The following CLIC5 variants were observed in gnomAD, a reference collection of about 807,000 sequenced individuals.
The protein encoded by CLIC5 is chloride intracellular channel protein 5.
In CLIC5, 20 loss-of-function variants were observed where a neutral mutation model predicts 24.7. The observed-to-expected ratio is 0.81, with a 90% CI of 0.57 to 1.18. The LOEUF is 1.18. Ranked by LOEUF, CLIC5 falls within the 50% of genes most tolerant of loss-of-function variation. The pLI, the probability that CLIC5 is intolerant of heterozygous loss-of-function variation, is 0.00. For synonymous variants in CLIC5, 159 were observed against 135.6 expected, an observed-to-expected ratio of 1.17 and a Z score of -1.20; for missense variants, 341 against 326.1, an observed-to-expected ratio of 1.05 and a Z score of -0.35.
intron 1 of CLIC5, among the ~76,000 whole-genome samples, chr6:46,004,772 C>T (rs552637041): frequency 7.9e-5 from 12 of 152,330 alleles, no homozygotes; most frequent in African/African-American, 2.6e-4. Context: ...GGCCACATAA[C>T]TTTCCCTACA....
At chr6:45,903,473 G>C (rs142480382) in intron 5 of CLIC5, among the ~76,000 whole-genome samples, 1 of 152,256 alleles carries the variant, frequency 6.6e-6, no homozygotes, top group African/African-American at 2.4e-5. Context: ...CTTTGACCTA[G>C]TGTGTCAAAT....
At chr6:46,100,384 A>C in the CLIC5 span, among the ~76,000 whole-genome samples, 1 of 152,218 alleles carries the variant, frequency 6.6e-6, no homozygotes, top group Non-Finnish European at 1.5e-5. Context: ...AAAGTTATAG[A>C]ATTTGCCCTT....
the CLIC5 span, among the ~76,000 whole-genome samples, chr6:46,118,840 C>T: frequency 0.097 from 14,709 of 152,180 alleles, 830 homozygotes; most frequent in East Asian, 0.16. Flanking sequence ...AGTTACCTTA[C>T]GTGATAAAGG....
In CLIC5 at chr6:46,015,419, C is replaced by T. The variant is rs540367721; in HGVS notation, c.63+61G>A. The T allele has an allele frequency of 2.8e-6, 4 of 1,451,430 alleles. No homozygotes were observed. The Admixed American group carries it at 6.9e-5, about 25-fold the overall frequency. The allele number at this position is 1,451,430 out of a possible 1,614,324, so 89.9% of individuals were successfully genotyped here. A position where few individuals can be genotyped will look rare whatever the true frequency, so the allele number is the denominator to read the frequency against. On this transcript the variant is annotated intron_variant, in intron 1 of 5. Transcript: ENST00000339561. ...TCCGGAGTCCAGCGCACCCCGAGCC[C>T]TGGTGGGTGAGCCCGGCGGGAGGCG...
At chr6:45,940,714 G>C (rs1009965885) in intron 4 of CLIC5, among the ~76,000 whole-genome samples, 1 of 152,202 alleles carries the variant, frequency 6.6e-6, no homozygotes, top group South Asian at 2.1e-4. Context: ...CTGAGGGCAA[G>C]GGAATGGCTG....
Position 46,071,635 on chromosome 6 carries a change from AGAGTGT to A in CLIC5, c.540+8062_540+8067del, listed in dbSNP as rs373705731. On this transcript the variant is annotated intron_variant, in intron 1 of 5. Transcript: ENST00000185206. ...AATGACCACTTATACACTGTTGATT[AGAGTGT>A]AAGTTAGTTCAGCCTTTGTGGAAAG... Among the ~76,000 whole-genome samples, 37 of 152,284 alleles carry A rather than the reference AGAGTGT, an allele frequency of 2.4e-4. 1 individual carries two copies. The highest frequency in any genetic ancestry group is 8.9e-4 in the African/African-American group (37 of 41,548).
intron 5 of CLIC5, chr6:45,913,782 G>A (rs1762907365): frequency 1.6e-6 from 2 of 1,231,504 alleles, no homozygotes; most frequent in South Asian, 4.1e-5. Flanking sequence ...GCTCACCTTA[G>A]GAAGTTGCTG....
At chr6:46,038,812 A>G (rs1767731660) in intron 1 of CLIC5, among the ~76,000 whole-genome samples, 1 of 152,202 alleles carries the variant, frequency 6.6e-6, no homozygotes, top group Non-Finnish European at 1.5e-5. Flanking sequence ...TAACAGAGAA[A>G]ATTGCTACAG....
At chr6:45,963,158 G>C (rs1010893) in intron 1 of CLIC5, among the ~76,000 whole-genome samples, 116,186 of 152,168 alleles carry the variant, frequency 0.76, 45,644 homozygotes, top group African/African-American at 0.94. Context: ...CTTTCAATCT[G>C]TTTCCGGGTT....
In CLIC5 at chr6:45,920,603, A is replaced by G. The variant is rs1279967463; in HGVS notation, c.407-6194T>C. 8 of 736,016 alleles carry G rather than the reference A, an allele frequency of 1.1e-5. No homozygotes were observed. In the African/African-American group the frequency reaches 1.3e-4, roughly 12 times the overall value. The allele number at this position is 736,016 out of a possible 1,614,324, so 45.6% of individuals were successfully genotyped here. ...TTTGATAGTTTAAAACGTGAATGGT[A>G]ACGTGATGGAAACAAAAAATAATAA... On this transcript the variant is annotated intron_variant, in intron 4 of 5. Coordinates refer to ENST00000339561, the MANE Select transcript of CLIC5 (RefSeq NM_016929.5).
At chr6:45,951,770 T>TA (rs1285838216) in intron 2 of CLIC5, among the ~76,000 whole-genome samples, 3 of 151,774 alleles carry the variant, frequency 2.0e-5, no homozygotes, top group Non-Finnish European at 4.4e-5. Flanking sequence ...GCAGAAACTG[T>TA]AAAAAAAGTA....
chr6:45,983,840 A>T (rs1173406021), intron 1 of CLIC5, among the ~76,000 whole-genome samples: 1 of 152,108 alleles, frequency 6.6e-6, no homozygotes, highest in Non-Finnish European at 1.5e-5. Flanking sequence ...TCCTCCAGTT[A>T]TTTCCTTAAT....
chr6:45,984,646 C>G (rs796261083), intron 1 of CLIC5, among the ~76,000 whole-genome samples: 1 of 152,170 alleles, frequency 6.6e-6, no homozygotes, highest in Admixed American at 6.5e-5. Flanking sequence ...CAGGGCAAGG[C>G]TTTCATGGTC....
At chr6:46,101,140 A>G in the CLIC5 span, among the ~76,000 whole-genome samples, 2 of 152,188 alleles carry the variant, frequency 1.3e-5, no homozygotes, top group African/African-American at 4.8e-5. Context: ...ACAAATCCAG[A>G]CACGTGAATC....
At chr6:46,022,034 G>A (rs190622909) in intron 1 of CLIC5, among the ~76,000 whole-genome samples, 3 of 152,282 alleles carry the variant, frequency 2.0e-5, no homozygotes, top group Admixed American at 1.3e-4. Flanking sequence ...TGTAACATCA[G>A]ACCTCATCTT....
intron 1 of CLIC5, among the ~76,000 whole-genome samples, chr6:45,961,450 C>A (rs1321913833): frequency 6.6e-6 from 1 of 152,218 alleles, no homozygotes; most frequent in East Asian, 1.9e-4. Context: ...ACTCCTGACT[C>A]TCAGTTCTGA....
chr6:46,073,867 T>G (rs150322652), intron 1 of CLIC5, among the ~76,000 whole-genome samples: 1 of 152,342 alleles, frequency 6.6e-6, no homozygotes, highest in South Asian at 2.1e-4. Context: ...TCCAGCTTCA[T>G]TTATCTCATT....
At chr6:45,988,225 G>C (rs1007720293) in intron 1 of CLIC5, among the ~76,000 whole-genome samples, 1 of 152,114 alleles carries the variant, frequency 6.6e-6, no homozygotes, top group Non-Finnish European at 1.5e-5. Context: ...AGAAGAGAGG[G>C]GTGATGGGTC....
chr6:45,943,054 A>G (rs114489678), intron 3 of CLIC5, among the ~76,000 whole-genome samples: 333 of 152,344 alleles, frequency 2.2e-3, no homozygotes, highest in Non-Finnish European at 3.3e-3. Flanking sequence ...GCACTGTTCT[A>G]TTCCCTTTAC....
Sources: gnomAD v4.1 joint callset for allele counts (sites outside exome capture counted in the v4.1 genomes callset) on GRCh38, gnomAD v4.1.1 for gene constraint, MANE v1.5 for transcripts, NCBI Gene and HGNC (gene_info 2026-07-23, HGNC 2026-07-21) for gene names.